Variants in DNM3 observed in about 807,000 individuals in gnomAD.
DNM3 encodes the protein dynamin-3.
A neutral mutation model predicts 101.6 loss-of-function variants in DNM3; 47 were observed. The observed-to-expected ratio is 0.46, with a 90% CI of 0.37 to 0.59. The LOEUF (loss-of-function observed/expected upper bound fraction) is 0.59, where lower values mean the gene tolerates loss of function less well. Ranked by LOEUF, DNM3 falls within the 20% of genes least tolerant of loss-of-function variation. The probability of loss-of-function intolerance (pLI) is 0.00; values close to 1 mark genes in which losing one functional copy is unlikely to be tolerated. For missense variants in DNM3, 849 were observed against 1,085.7 expected (o/e 0.78, Z 3.06); for synonymous variants, 385 against 387.9 (o/e 0.99, Z 0.09).
chr1:172,354,110 T>TGAGAGA (rs1445200263), intron 17 of DNM3, among the ~76,000 whole-genome samples: 337 of 52,542 alleles, frequency 6.4e-3, no homozygotes, highest in African/African-American at 0.019. Context: ...TGTGTGTGTG[T>TGAGAGA]GTGAGAGAGA....
At chr1:172,128,859 C>T (rs1157105824) in intron 13 of DNM3, among the ~76,000 whole-genome samples, 1 of 152,138 alleles carries the variant, frequency 6.6e-6, no homozygotes, top group Non-Finnish European at 1.5e-5. Flanking sequence ...TAACTTTATA[C>T]ATCATGGCTT....
intron 14 of DNM3, among the ~76,000 whole-genome samples, chr1:172,174,717 T>C (rs939739494): frequency 6.6e-5 from 10 of 151,722 alleles, no homozygotes; most frequent in Non-Finnish European, 2.9e-5. Context: ...GACTATCCTA[T>C]GAATGGTATG....
chr1:172,413,449 G>A (rs536495556), downstream of DNM3, among the ~76,000 whole-genome samples: 182 of 152,198 alleles, frequency 1.2e-3, no homozygotes, highest in Non-Finnish European at 2.2e-3. Context: ...GGATGGTCTC[G>A]ATCTCTTGAC....
At chr1:171,940,825 A>G (rs1181426873) in intron 2 of DNM3, among the ~76,000 whole-genome samples, 2 of 152,058 alleles carry the variant, frequency 1.3e-5, no homozygotes, top group Non-Finnish European at 2.9e-5. Context: ...TTCTGTGTAC[A>G]TGTCTACCAA....
chr1:171,859,219 A>G (rs1266085917), intron 1 of DNM3, among the ~76,000 whole-genome samples: 1 of 151,876 alleles, frequency 6.6e-6, no homozygotes, highest in Non-Finnish European at 1.5e-5. Context: ...TCACGTTGTT[A>G]TTGTTCTTCA....
chr1:172,296,516 A>G (rs2064169560), intron 15 of DNM3, among the ~76,000 whole-genome samples: 1 of 152,212 alleles, frequency 6.6e-6, no homozygotes, highest in Admixed American at 6.5e-5. Flanking sequence ...AGTGTTTCAC[A>G]AACTCCTACC....
At chr1:171,936,359 A>AAAAGAAAGAAAGAAAG (rs3051605) in intron 2 of DNM3, among the ~76,000 whole-genome samples, 1 of 150,596 alleles carries the variant, frequency 6.6e-6, no homozygotes, top group Non-Finnish European at 1.5e-5. Flanking sequence ...TCAAAAAAAG[A>AAAAGAAAGAAAGAAAG]AAAGAAAGAA....
intron 15 of DNM3, among the ~76,000 whole-genome samples, chr1:172,290,772 G>C (rs897834220): frequency 2.0e-5 from 3 of 152,054 alleles, no homozygotes; most frequent in Non-Finnish European, 2.9e-5. Flanking sequence ...GATATGAAAG[G>C]CCACCATACT....
At position 172,408,572 on chromosome 1, in the gene DNM3, A is replaced by T. The variant is rs1025358048; in HGVS notation, c.*731A>T. 4.1e-6 allele frequency: 4 copies of T among 985,296 alleles called. No individual in the cohort carries two copies. Among genetic ancestry groups the T allele is most frequent in the Non-Finnish European group, 4.8e-6 (4 of 829,808 alleles). 61.0% of individuals were successfully genotyped at this position (985,296 alleles called of 1,614,324 possible). A position where few individuals can be genotyped will look rare whatever the true frequency, so the allele number is the denominator to read the frequency against. ...GCTAATTAGTTTCAGAGTTCAAGGA[A>T]GAAGCAAAATATCACATCTCTAGAA... is the stretch of plus-strand genomic sequence containing the variant. On this transcript the variant is annotated 3_prime_UTR_variant, in exon 21 of 21. Coordinates refer to ENST00000627582, the MANE Select transcript of DNM3 (RefSeq NM_015569.5).
chr1:171,877,902 T>C lies in DNM3; in HGVS notation c.161+36085T>C, dbSNP rs117885189. On this transcript the variant is annotated intron_variant, in intron 1 of 20. Transcript: ENST00000627582. ...AAGACTTAGACCGGGTGTCTGATTA[T>C]GAACAGGCTGTAAGTGAGAGTGGGT... is the stretch of plus-strand genomic sequence containing the variant. Among the ~76,000 whole-genome samples, 115 of 152,302 alleles carry C rather than the reference T, an allele frequency of 7.6e-4. No individual in the cohort carries two copies. In the East Asian group the frequency reaches 0.016, roughly 22 times the overall value.
chr1:172,094,718 G>A (rs1258559863), intron 13 of DNM3, among the ~76,000 whole-genome samples: 1 of 152,082 alleles, frequency 6.6e-6, no homozygotes, highest in Non-Finnish European at 1.5e-5. Flanking sequence ...TCAAACTCTT[G>A]GGAGAAAAAG....
chr1:171,983,930 C>T (rs1477135277), intron 2 of DNM3, among the ~76,000 whole-genome samples: 1 of 152,074 alleles, frequency 6.6e-6, no homozygotes, highest in African/African-American at 2.4e-5. Context: ...TAGGTCCCAA[C>T]CCACATCCCA....
In DNM3 at chr1:171,893,976, G is replaced by A. The variant is rs531839886; in HGVS notation, c.162-27772G>A. Among the ~76,000 whole-genome samples the A allele has an allele frequency of 1.4e-3, 212 of 151,576 alleles. 6 individuals are homozygous for A. The South Asian group carries it at 0.037, about 27-fold the overall frequency. On this transcript the variant is annotated intron_variant, in intron 1 of 20. Coordinates refer to ENST00000627582, the MANE Select transcript of DNM3 (RefSeq NM_015569.5). ...GTAGTTGGGATTATAGGCACGCACT[G>A]CCACACCAAGCTAATTTTTGTATTT...
intron 4 of DNM3, among the ~76,000 whole-genome samples, chr1:172,028,104 A>G (rs1482849691): frequency 6.6e-6 from 1 of 152,186 alleles, no homozygotes; most frequent in African/African-American, 2.4e-5. Context: ...CCCCAAATCA[A>G]CAGAATATAC....
chr1:172,214,130 A>AT (rs964502143), intron 14 of DNM3, among the ~76,000 whole-genome samples: 7 of 152,100 alleles, frequency 4.6e-5, no homozygotes, highest in African/African-American at 1.7e-4. Flanking sequence ...GACAGAAAGC[A>AT]TTTTTTCTAT....
chr1:172,342,692 A>G (rs1011191787), intron 17 of DNM3, among the ~76,000 whole-genome samples: 1 of 152,152 alleles, frequency 6.6e-6, no homozygotes, highest in South Asian at 2.1e-4. Context: ...TTACCTATGT[A>G]ACAAACTTGC....
chr1:172,289,460 A>G, intron 15 of DNM3: 1 of 475,286 alleles, frequency 2.1e-6, no homozygotes. Flanking sequence ...ATGTCGTCTC[A>G]TTTCTAATTT....
intron 2 of DNM3, among the ~76,000 whole-genome samples, chr1:171,927,215 C>A (rs973863986): frequency 6.6e-6 from 1 of 152,208 alleles, no homozygotes; most frequent in Non-Finnish European, 1.5e-5. Flanking sequence ...GATACACTAT[C>A]AATACACAAC....
chr1:172,014,105 G>A (rs1195961790), intron 4 of DNM3, among the ~76,000 whole-genome samples: 3 of 151,924 alleles, frequency 2.0e-5, no homozygotes, highest in African/African-American at 4.8e-5. Context: ...GATTTGCAAC[G>A]GTGAAAATAT....
Sources: gnomAD v4.1 joint callset for allele counts (sites outside exome capture counted in the v4.1 genomes callset) on GRCh38, gnomAD v4.1.1 for gene constraint, MANE v1.5 for transcripts, NCBI Gene and HGNC (gene_info 2026-07-23, HGNC 2026-07-21) for gene names.